Variants in GFY observed in about 807,000 individuals in gnomAD.
The protein encoded by GFY is golgi associated olfactory signaling regulator.
In GFY, 28 loss-of-function variants were observed where a neutral mutation model predicts 29.1. That is an observed-to-expected ratio of 0.96 (90% CI 0.71 to 1.32). GFY has a LOEUF of 1.32. Among genes scored for constraint, GFY ranks in the 40% most tolerant of loss-of-function variants. The pLI, the probability that GFY is intolerant of heterozygous loss-of-function variation, is 0.00. For missense variants in GFY, 656 were observed against 661.9 expected (o/e 0.99, Z 0.10); for synonymous variants, 277 against 274.5 (o/e 1.01, Z -0.09).
upstream of GFY, among the ~76,000 whole-genome samples, chr19:49,424,496 G>A (rs377059342): frequency 2.6e-5 from 4 of 152,070 alleles, no homozygotes; most frequent in African/African-American, 9.7e-5. Context: ...TGCCCTCCTT[G>A]GCCTCCCAGA....
At chr19:49,425,832 T>C (rs1261759378) in intron 1 of GFY, among the ~76,000 whole-genome samples, 1 of 152,104 alleles carries the variant, frequency 6.6e-6, no homozygotes, top group Non-Finnish European at 1.5e-5. Flanking sequence ...TCTAGGCACC[T>C]GAACTTCCAG....
rs4801798 is a variant in GFY, at chr19:49,427,529, C to A, written c.1099C>A (p.Pro367Thr). The A allele has an allele frequency of 0.13, 202,815 of 1,521,868 alleles. 14,486 individuals are homozygous for A. The highest frequency in any genetic ancestry group is 0.24 in the Admixed American group (11,682 of 49,026). The allele number at this position is 1,521,868 out of a possible 1,614,324, so 94.3% of individuals were successfully genotyped here. A position where few individuals can be genotyped will look rare whatever the true frequency, so the allele number is the denominator to read the frequency against. The change falls in exon 2 of 4, where the codon CCT becomes ACT. Residue 367 changes from proline (P) to threonine (T), a missense_variant. Transcript: ENST00000610896. Reference sequence around the variant, plus strand: ...TCCAGGGCGCCCCAGTCAGTTGGCCCCTGCCACTCTGCGGGCACCCCAGAG... The same window carrying A: ...TCCAGGGCGCCCCAGTCAGTTGGCCACTGCCACTCTGCGGGCACCCCAGAG... ...ALPGRPSQLA[P>T]ATLRAPQRHS...
At chr19:49,425,710 T>A (rs1975065083) in intron 1 of GFY, among the ~76,000 whole-genome samples, 1 of 152,052 alleles carries the variant, frequency 6.6e-6, no homozygotes, top group South Asian at 2.1e-4. Context: ...AGACCCTATT[T>A]CTGGAGGACT....
chr19:49,424,355 G>C (rs1430115505), upstream of GFY, among the ~76,000 whole-genome samples: 1 of 152,202 alleles, frequency 6.6e-6, no homozygotes, highest in African/African-American at 2.4e-5. Flanking sequence ...CCATTGTCCT[G>C]CCTCAGCCTC....
upstream of GFY, among the ~76,000 whole-genome samples, chr19:49,424,283 C>T (rs1401694839): frequency 6.6e-6 from 1 of 152,168 alleles, no homozygotes; most frequent in Non-Finnish European, 1.5e-5. Context: ...GCTCTTGTTG[C>T]CCAGGCTGGA....
At chr19:49,428,557 A>C in intron 3 of GFY, 62 bp from the exon 4 acceptor site, 2 of 1,269,122 alleles carry the variant, frequency 1.6e-6, no homozygotes, top group Non-Finnish European at 2.1e-6. Flanking sequence ...GGCCCTGGAG[A>C]TGATCTGGAA....
upstream of GFY, among the ~76,000 whole-genome samples, chr19:49,425,087 G>A (rs568063304): frequency 4.0e-5 from 6 of 151,816 alleles, 1 homozygote; most frequent in Non-Finnish European, 7.4e-5. Flanking sequence ...GAAGGAGCTA[G>A]AGGACTGGAG....
At chr19:49,428,200 C>T (rs1200035015) in intron 3 of GFY, 81 bp downstream of exon 3, 4 of 1,454,638 alleles carry the variant, frequency 2.7e-6, no homozygotes, top group African/African-American at 2.8e-5. Context: ...GCCAAAAAAG[C>T]ACAGGTCCCC....
upstream of GFY, among the ~76,000 whole-genome samples, chr19:49,424,776 A>C (rs1200561215): frequency 6.6e-6 from 1 of 151,818 alleles, no homozygotes; most frequent in African/African-American, 2.4e-5. Flanking sequence ...GGGAGGTTGC[A>C]GTGAGCTGAG....
rs566318467 is a variant in GFY, at chr19:49,428,108, G to A, written c.1346G>A (p.Gly449Glu). ...PFAHHRLPDD[G>E]DEPVLHLDAP... is the part of the protein sequence containing the mutation. ...GCACATCACCGGCTTCCGGACGACG[G>A]AGATGAACCGGGTGAGCGCCCTGCC... The change falls in exon 3 of 4, where the codon GGA (glycine) becomes GAA (glutamate). Residue 449 changes from glycine to glutamate, a missense_variant. Gly to Glu is a moderately conservative substitution (Grantham distance 98). Coordinates refer to ENST00000610896, the MANE Select transcript of GFY (RefSeq NM_001195256.2). The A allele has an allele frequency of 1.4e-4, 215 of 1,532,442 alleles. 1 individual carries two copies. The South Asian group carries it at 2.5e-3, about 18-fold the overall frequency. 94.9% of individuals were successfully genotyped at this position (1,532,442 alleles called of 1,614,324 possible).
intron 3 of GFY, 48 bp from the exon 4 acceptor site, chr19:49,428,571 G>T: frequency 7.4e-7 from 1 of 1,358,408 alleles, no homozygotes. Flanking sequence ...TCTGGAAGGG[G>T]GCCTGGAGGG....
Position 49,427,996 on chromosome 19 carries a change from C to T in GFY, c.1234C>T (p.Leu412=). 6.5e-7 allele frequency: 1 copy of T among 1,535,934 alleles called. No individual in the cohort carries two copies. The highest frequency in any genetic ancestry group is 8.7e-7 in the Non-Finnish European group (1 of 1,146,708). The change falls in exon 3 of 4, where the codon CTG becomes TTG. Residue 412 remains leucine (L), a synonymous_variant. Transcript: ENST00000610896. ...TGGCGCAGCAGGCGGGGCCCTCTGC[C>T]TGTTCTTCGCGGGGACCGCGCTGCT... ...PRGAAGGALC[L]FFAGTALLIG... is the part of the protein sequence containing the mutation.
intron 1 of GFY, among the ~76,000 whole-genome samples, chr19:49,425,891 C>T (rs1367773778): frequency 6.6e-6 from 1 of 152,164 alleles, no homozygotes; most frequent in Non-Finnish European, 1.5e-5. Flanking sequence ...GCCCCCTCAC[C>T]CTGCAAGACG....
chr19:49,425,026 T>C (rs898056167), upstream of GFY, among the ~76,000 whole-genome samples: 7 of 151,472 alleles, frequency 4.6e-5, no homozygotes, highest in African/African-American at 1.5e-4. Flanking sequence ...CAGATTCCTA[T>C]GTTCTGGGGA....
intron 2 of GFY, 139 bp from the exon 3 acceptor site, chr19:49,427,807 G>T: frequency 8.4e-7 from 1 of 1,188,210 alleles, no homozygotes; most frequent in Non-Finnish European, 1.2e-6. Context: ...ACCGGCTGGG[G>T]TCTGGACTCC....
upstream of GFY, among the ~76,000 whole-genome samples, chr19:49,425,088 A>G (rs1287926796): frequency 6.6e-6 from 1 of 151,064 alleles, no homozygotes; most frequent in African/African-American, 2.4e-5. Flanking sequence ...AAGGAGCTAG[A>G]GGACTGGAGT....
chr19:49,426,320 C>G, intron 1 of GFY, 90 bp from the exon 2 acceptor site: 1 of 1,440,790 alleles, frequency 6.9e-7, no homozygotes, highest in East Asian at 2.5e-5. Context: ...ACGTGGTCCA[C>G]CTGTGTTCCA....
rs1452053592 is a variant in GFY at position 49,426,629 on chromosome 19, C to T, written c.199C>T (p.Pro67Ser). ...CCCAGAATTTCCTGGGACTCCTTAC[C>T]CTGAGCCTTCCAAGCTACCTCATAC... ...LNPEFPGTPY[P>S]EPSKLPHTVS... The change falls in exon 2 of 4, where the codon CCT becomes TCT. Residue 67 changes from proline (P) to serine (S), a missense_variant. Pro to Ser is a moderately conservative substitution (Grantham distance 74, BLOSUM62 -1). Coordinates refer to ENST00000610896, the MANE Select transcript of GFY (RefSeq NM_001195256.2). 2 of 1,536,022 alleles carry T rather than the reference C, an allele frequency of 1.3e-6. No individual in the cohort carries two copies. The highest frequency in any genetic ancestry group is 2.0e-5 in the Admixed American group (1 of 50,980).
intron 1 of GFY, among the ~76,000 whole-genome samples, chr19:49,425,836 C>T (rs1257233847): frequency 6.6e-6 from 1 of 152,168 alleles, no homozygotes; most frequent in Non-Finnish European, 1.5e-5. Context: ...GGCACCTGAA[C>T]TTCCAGCCTT....
Sources: gnomAD v4.1 joint callset for allele counts (sites outside exome capture counted in the v4.1 genomes callset) on GRCh38, gnomAD v4.1.1 for gene constraint, MANE v1.5 for transcripts, NCBI Gene and HGNC (gene_info 2026-07-23, HGNC 2026-07-21) for gene names.